Variants in MDGA2 observed in about 807,000 individuals in gnomAD.
The protein encoded by MDGA2 is MAM domain-containing glycosylphosphatidylinositol anchor protein 2.
MDGA2 carries 40 observed loss-of-function variants against 117.8 expected under a neutral mutation model. The ratio of observed to expected loss-of-function variants is 0.34; its 90% CI spans 0.26 to 0.44. The LOEUF (loss-of-function observed/expected upper bound fraction) is 0.44. Ranked by LOEUF, MDGA2 falls within the 20% of genes least tolerant of loss-of-function variation. The pLI is 1.00. For missense variants in MDGA2, 1,123 were observed against 1,250.6 expected (o/e 0.90, Z 1.54); for synonymous variants, 452 against 439.0 (o/e 1.03, Z -0.37).
intron 1 of MDGA2, among the ~76,000 whole-genome samples, chr14:47,308,893 T>C (rs1271733314): frequency 6.6e-6 from 1 of 151,572 alleles, no homozygotes. Context: ...TCGCTATTTC[T>C]TTTTTTGGTC....
chr14:47,381,219 T>C (rs991360533), intron 1 of MDGA2, among the ~76,000 whole-genome samples: 3 of 152,138 alleles, frequency 2.0e-5, no homozygotes, highest in African/African-American at 7.2e-5. Context: ...CTCAAAATAA[T>C]AAGAGCTATC....
rs58765297 is a variant in MDGA2, at chr14:47,323,149, G to GATATATATAT, written c.281-21609_281-21600dup. ...AAGCCCCAGAGAAAAAAGAGTCATG[G>GATATATATAT]ATATATATATATATATATATATATA... On this transcript the variant is annotated intron_variant, in intron 1 of 16. Transcript: ENST00000399232. 1.9e-3 allele frequency among the ~76,000 whole-genome samples: 205 copies of GATATATATAT among 107,510 alleles called. 1 individual carries two copies. The highest frequency in any genetic ancestry group is 2.6e-3 in the South Asian group (8 of 3,052). 70.5% of individuals were successfully genotyped at this position (107,510 alleles called of 152,430 possible).
At chr14:46,956,092 G>A (rs1373604718) in intron 9 of MDGA2, among the ~76,000 whole-genome samples, 2 of 152,092 alleles carry the variant, frequency 1.3e-5, no homozygotes, top group Admixed American at 6.6e-5. Context: ...CAAAAATGGC[G>A]AAAGGCAGTT....
intron 1 of MDGA2, among the ~76,000 whole-genome samples, chr14:47,588,173 G>A (rs528036595): frequency 2.0e-5 from 3 of 148,754 alleles, no homozygotes; most frequent in Admixed American, 2.0e-4. Flanking sequence ...GAATAATGCT[G>A]TCATGAACAG....
intron 1 of MDGA2, among the ~76,000 whole-genome samples, chr14:47,359,640 A>T (rs1344384404): frequency 6.8e-6 from 1 of 146,222 alleles, no homozygotes; most frequent in South Asian, 2.1e-4. Context: ...AAAAAAAGCT[A>T]CTCTGGAGGC....
intron 1 of MDGA2, among the ~76,000 whole-genome samples, chr14:47,367,226 G>A (rs1444854389): frequency 1.3e-5 from 2 of 152,122 alleles, no homozygotes; most frequent in Non-Finnish European, 2.9e-5. Flanking sequence ...TGTATTCTTT[G>A]TCTTTGCAAG....
chr14:47,104,565 C>T (rs1275591345), intron 5 of MDGA2, among the ~76,000 whole-genome samples: 2 of 150,256 alleles, frequency 1.3e-5, no homozygotes, highest in Admixed American at 1.3e-4. Context: ...CCACCCTTAT[C>T]TCCCTTCGCT....
At chr14:47,375,742 A>G (rs1374924209) in intron 1 of MDGA2, among the ~76,000 whole-genome samples, 2 of 152,048 alleles carry the variant, frequency 1.3e-5, no homozygotes, top group Non-Finnish European at 2.9e-5. Context: ...CCTCTAGAAC[A>G]ATGGATTTAG....
intron 1 of MDGA2, among the ~76,000 whole-genome samples, chr14:47,463,718 G>T (rs1352083436): frequency 6.6e-6 from 1 of 152,078 alleles, no homozygotes; most frequent in East Asian, 1.9e-4. Flanking sequence ...TAAAATAATA[G>T]ATAACATTTT....
intron 1 of MDGA2, among the ~76,000 whole-genome samples, chr14:47,642,832 C>T (rs188904251): frequency 7.9e-5 from 12 of 152,166 alleles, no homozygotes; most frequent in Admixed American, 4.6e-4. Flanking sequence ...AGACTACTCC[C>T]TAATAACATT....
intron 2 of MDGA2, among the ~76,000 whole-genome samples, chr14:47,267,309 C>G (rs1887998790): frequency 6.6e-6 from 1 of 151,770 alleles, no homozygotes; most frequent in African/African-American, 2.4e-5. Context: ...ATTAAGATCA[C>G]AAAGGCAATT....
chr14:47,302,007 A>G (rs1352798321), intron 1 of MDGA2, among the ~76,000 whole-genome samples: 1 of 152,190 alleles, frequency 6.6e-6, no homozygotes, highest in Non-Finnish European at 1.5e-5. Context: ...GCAAGTTAAT[A>G]AGCTCACGAA....
At chr14:47,109,069 A>G (rs1880895411) in intron 5 of MDGA2, among the ~76,000 whole-genome samples, 1 of 152,218 alleles carries the variant, frequency 6.6e-6, no homozygotes, top group South Asian at 2.1e-4. Context: ...GAAGCTGAGC[A>G]TTCACTTGCT....
chr14:47,566,507 G>T (rs544317081), intron 1 of MDGA2, among the ~76,000 whole-genome samples: 1 of 152,294 alleles, frequency 6.6e-6, no homozygotes, highest in South Asian at 2.1e-4. Flanking sequence ...CCTGGCACAT[G>T]TTCCCACATT....
chr14:47,177,625 G>A (rs1024810604), intron 3 of MDGA2, among the ~76,000 whole-genome samples: 1 of 152,098 alleles, frequency 6.6e-6, no homozygotes, highest in Admixed American at 6.6e-5. Flanking sequence ...ACAGGAAGGG[G>A]AACATCACAC....
At chr14:47,104,973 A>G (rs1025777243) in intron 5 of MDGA2, among the ~76,000 whole-genome samples, 1 of 152,100 alleles carries the variant, frequency 6.6e-6, no homozygotes, top group Non-Finnish European at 1.5e-5. Context: ...CAAAAGAGAC[A>G]TGTTTTATCT....
intron 1 of MDGA2, among the ~76,000 whole-genome samples, chr14:47,417,455 A>G (rs933526413): frequency 6.6e-6 from 1 of 152,140 alleles, no homozygotes; most frequent in African/African-American, 2.4e-5. Context: ...AGCTTTTACC[A>G]TCTATACTTC....
rs548136144 is a variant in MDGA2, at chr14:47,136,223, T to C, written c.793-4377A>G. Among the ~76,000 whole-genome samples the C allele has an allele frequency of 2.1e-5, 3 of 144,792 alleles. No individual in the cohort carries two copies. The East Asian group carries it at 6.3e-4, about 30-fold the overall frequency. 95.0% of individuals were successfully genotyped at this position (144,792 alleles called of 152,430 possible). A position where few individuals can be genotyped will look rare whatever the true frequency, so the allele number is the denominator to read the frequency against. ...TTTTTTTTTTTTTTTTTTTGAGACATAGTTTAGCTCTGTCACCCAGGCTGG... is the reference window on the plus strand; with the variant it reads ...TTTTTTTTTTTTTTTTTTTGAGACACAGTTTAGCTCTGTCACCCAGGCTGG... On this transcript the variant is annotated intron_variant, in intron 4 of 16. Transcript: ENST00000399232.
chr14:47,158,239 T>C (rs1218112986), intron 3 of MDGA2, among the ~76,000 whole-genome samples: 1 of 152,158 alleles, frequency 6.6e-6, no homozygotes, highest in Non-Finnish European at 1.5e-5. Flanking sequence ...GTTAATAGGC[T>C]ATACCATATC....
Sources: allele counts gnomAD v4.1 joint callset (sites outside exome capture counted in the v4.1 genomes callset), GRCh38; gene constraint gnomAD v4.1.1; transcripts MANE v1.5; gene names NCBI Gene and HGNC (gene_info 2026-07-23, HGNC 2026-07-21).